DIP2A: variants seen among roughly 807,000 people sequenced by gnomAD.
DIP2A encodes DIP2 acetate--CoA ligase A, also known as disco-interacting protein 2 homolog A.
Under a neutral mutation model 177.4 loss-of-function variants are expected in DIP2A, and 85 were observed. The observed-to-expected ratio is 0.48, with a 90% confidence interval of 0.40 to 0.57. DIP2A has a LOEUF of 0.57. DIP2A is among the 20% of genes least tolerant of loss of function. The pLI is 0.00. For synonymous variants in DIP2A, 886 were observed against 881.8 expected (o/e 1.00, Z -0.08); for missense variants, 1,791 against 2,100.2 (o/e 0.85, Z 2.88).
chr21:46,532,775 T>C (rs1359925256), intron 10 of DIP2A, among the ~76,000 whole-genome samples: 1 of 152,184 alleles, frequency 6.6e-6, no homozygotes, highest in Non-Finnish European at 1.5e-5. Flanking sequence ...ATGTGGGGTC[T>C]TGCTGATCTA....
chr21:46,536,629 T>C (rs1231849190), intron 13 of DIP2A, among the ~76,000 whole-genome samples: 1 of 151,904 alleles, frequency 6.6e-6, no homozygotes. Flanking sequence ...AGAGGCCGAG[T>C]GCGGTGACTT....
At chr21:46,545,730 A>G in intron 19 of DIP2A, 151 bp from the exon 20 acceptor site, 1 of 877,760 alleles carries the variant, frequency 1.1e-6, no homozygotes, top group Non-Finnish European at 1.8e-6. Context: ...CAGCCAGGCC[A>G]CAGAAACTGG....
At chr21:46,543,444 G>A (rs973162331) in intron 18 of DIP2A, among the ~76,000 whole-genome samples, 3 of 151,608 alleles carry the variant, frequency 2.0e-5, no homozygotes, top group South Asian at 4.2e-4. Flanking sequence ...TCCCCCGGGC[G>A]TGCACACAGC....
intron 8 of DIP2A, among the ~76,000 whole-genome samples, chr21:46,528,884 T>G (rs1357316318): frequency 1.3e-5 from 2 of 152,148 alleles, no homozygotes; most frequent in Non-Finnish European, 2.9e-5. Flanking sequence ...TTTATTTTTG[T>G]ATTAAGAAAA....
chr21:46,554,438 G>A, intron 26 of DIP2A, 137 bp from the exon 27 acceptor site: 1 of 1,542,232 alleles, frequency 6.5e-7, no homozygotes, highest in Non-Finnish European at 8.8e-7. Context: ...CCTCAGCTCA[G>A]CTACCCCTGT....
intron 2 of DIP2A, among the ~76,000 whole-genome samples, chr21:46,487,874 T>C (rs1601459595): frequency 6.6e-6 from 1 of 152,196 alleles, no homozygotes; most frequent in African/African-American, 2.4e-5. Context: ...CCTATAAAAC[T>C]GGCAGATCTC....
rs765137911 is a variant in DIP2A, at chr21:46,498,807, C to G, written c.629C>G (p.Ala210Gly). 1.1e-5 allele frequency: 17 copies of G among 1,613,528 alleles called. No homozygotes were observed. Among genetic ancestry groups the G allele is most frequent in the Non-Finnish European group, 1.4e-5 (16 of 1,179,764 alleles). ...TPGAAATTAL[A>G]GLEAHTHIDL... Reference sequence around the variant, plus strand: ...GGGGCCGCCGCTACCACTGCACTCGCAGGCCTCGAGGCCCACACCCACATA... The same window carrying G: ...GGGGCCGCCGCTACCACTGCACTCGGAGGCCTCGAGGCCCACACCCACATA... The change falls in exon 5 of 38, where the codon GCA becomes GGA. Residue 210 changes from alanine (A) to glycine (G), a missense_variant. Ala to Gly is a moderately conservative substitution (Grantham distance 60). Coordinates refer to ENST00000417564, the MANE Select transcript of DIP2A (RefSeq NM_015151.4). This position sits in a 1 kb window ranked among gnomAD's most constrained non-coding sequence, Gnocchi z 4.3.
chr21:46,541,937 T>A (rs374349009), intron 18 of DIP2A, 42 bp downstream of exon 18: 27 of 1,612,418 alleles, frequency 1.7e-5, no homozygotes, highest in Non-Finnish European at 2.0e-5. Flanking sequence ...CATGACTGAT[T>A]GAGGTAACGA....
chr21:46,512,060 C>T (rs543206688), intron 8 of DIP2A, among the ~76,000 whole-genome samples: 21 of 152,216 alleles, frequency 1.4e-4, no homozygotes, highest in African/African-American at 4.8e-4. Context: ...TTCAAAGCCC[C>T]TCACACCCCT....
At chr21:46,477,579 T>G (rs1217358126) in intron 1 of DIP2A, among the ~76,000 whole-genome samples, 1,489 of 26,794 alleles carry the variant, frequency 0.056, 36 homozygotes, top group African/African-American at 0.12. Flanking sequence ...ATTTCTTTTT[T>G]TTTTTTTTTC....
At chr21:46,520,246 G>A (rs910898358) in intron 8 of DIP2A, among the ~76,000 whole-genome samples, 5 of 152,102 alleles carry the variant, frequency 3.3e-5, no homozygotes, top group Admixed American at 3.3e-4. Flanking sequence ...GCTGTAAATA[G>A]CTCAAAAGAG....
chr21:46,467,295 C>CA (rs527776306), intron 1 of DIP2A, among the ~76,000 whole-genome samples: 6,013 of 113,396 alleles, frequency 0.053, 218 homozygotes, highest in Middle Eastern at 0.095. Flanking sequence ...GACTCCGTCT[C>CA]AAAAAAAAAA....
At chr21:46,519,825 A>G (rs1423627158) in intron 8 of DIP2A, among the ~76,000 whole-genome samples, 3 of 141,418 alleles carry the variant, frequency 2.1e-5, no homozygotes, top group Non-Finnish European at 4.5e-5. Flanking sequence ...AGCTGATTCC[A>G]GTGTGCCCAG....
rs544948048 is a variant in DIP2A, at chr21:46,558,228, G to A, written c.3804G>A (p.Lys1268=). ...LGAQTGVLRM[K]GVNLSCVRTC... ...ACCGCTCACCCCTCCCGCAGATGAA[G>A]GGGGTGAACCTGTCATGTGTGCGCA... Residue 1268 remains lysine (K), a synonymous_variant, in exon 32 of 38, where the codon AAG becomes AAA. Transcript: ENST00000417564. 1.0e-4 allele frequency: 166 copies of A among 1,610,546 alleles called. No homozygotes were observed. Among genetic ancestry groups the A allele is most frequent in the Non-Finnish European group, 1.3e-4 (158 of 1,178,656 alleles).
chr21:46,561,138 GGACAGA>G, intron 33 of DIP2A: 1 of 674,418 alleles, frequency 1.5e-6, no homozygotes, highest in Non-Finnish European at 2.0e-6. Context: ...AGAGGGACAG[GGACAGA>G]GAGAAGACAA....
intron 5 of DIP2A, among the ~76,000 whole-genome samples, chr21:46,500,367 G>A (rs1321292030): frequency 6.6e-6 from 1 of 152,182 alleles, no homozygotes; most frequent in East Asian, 1.9e-4. Flanking sequence ...GGTGTTCCAT[G>A]GCCAGAGGCT....
chr21:46,576,607 T>C, the DIP2A span, among the ~76,000 whole-genome samples: 1 of 152,210 alleles, frequency 6.6e-6, no homozygotes, highest in Admixed American at 6.5e-5. Flanking sequence ...ATTTTTGTAA[T>C]AGAATAATTT....
Position 46,498,931 on chromosome 21 carries a change from C to T in DIP2A, c.655+98C>T, listed in dbSNP as rs2057506747. The T allele has an allele frequency of 2.8e-6, 4 of 1,434,942 alleles. No homozygotes were observed. The highest frequency in any genetic ancestry group is 3.7e-6 in the Non-Finnish European group (4 of 1,085,750). 88.9% of individuals were successfully genotyped at this position (1,434,942 alleles called of 1,614,324 possible). A position where few individuals can be genotyped will look rare whatever the true frequency, so the allele number is the denominator to read the frequency against. On this transcript the variant is annotated intron_variant, in intron 5 of 37. Transcript: ENST00000417564. This position sits in a 1 kb window ranked among gnomAD's most constrained non-coding sequence, Gnocchi z 4.3. ...GGAGGGCACCTGAGCCAGGCGCCAC[C>T]CTGCAGACTTAGCTGCAGGCCTGAG...
chr21:46,477,543 T>TTTTTTGTGTGTGTGTGTGTGTGTG lies in DIP2A; in HGVS notation c.92-7213_92-7212insTTTTGTGTGTGTGTGTGTGTGTGT, dbSNP rs374607636. Among the ~76,000 whole-genome samples, 394 of 87,130 alleles carry TTTTTTGTGTGTGTGTGTGTGTGTG rather than the reference T, an allele frequency of 4.5e-3. 6 individuals are homozygous for TTTTTTGTGTGTGTGTGTGTGTGTG. Among genetic ancestry groups the TTTTTTGTGTGTGTGTGTGTGTGTG allele is most frequent in the African/African-American group, 0.016 (378 of 23,230 alleles). The allele number at this position is 87,130 out of a possible 152,430, so 57.2% of individuals were successfully genotyped here. A position where few individuals can be genotyped will look rare whatever the true frequency, so the allele number is the denominator to read the frequency against. ...CTCCGCCTAAAATAAAAAAAAAGAT[T>TTTTTTGTGTGTGTGTGTGTGTGTG]TGTGTGTGTGTGTGTGTGTGTGTGT... On this transcript the variant is annotated intron_variant, in intron 1 of 37. Coordinates refer to ENST00000417564, the MANE Select transcript of DIP2A (RefSeq NM_015151.4).
Sources: allele counts gnomAD v4.1 joint callset (sites outside exome capture counted in the v4.1 genomes callset), GRCh38; gene constraint gnomAD v4.1.1; non-coding constraint Gnocchi (gnomAD v3.1); transcripts MANE v1.5; gene names NCBI Gene and HGNC (gene_info 2026-07-23, HGNC 2026-07-21).